Variants in MYT1L observed in about 807,000 individuals in gnomAD.
MYT1L encodes myelin transcription factor 1 like.
Under a neutral mutation model 126.7 loss-of-function variants are expected in MYT1L, and 12 were observed. The observed-to-expected ratio is 0.09, with a 90% CI of 0.06 to 0.15. MYT1L has a LOEUF of 0.15. MYT1L is among the 10% of genes least tolerant of loss of function. The pLI, the probability that MYT1L is intolerant of heterozygous loss-of-function variation, is 1.00. For missense variants in MYT1L, 979 were observed against 1,585.2 expected (o/e 0.62, Z 6.49); for synonymous variants, 541 against 604.2 (o/e 0.90, Z 1.53).
intron 3 of MYT1L, among the ~76,000 whole-genome samples, chr2:2,136,227 G>A (rs1390884643): frequency 6.6e-6 from 1 of 152,214 alleles, no homozygotes; most frequent in Non-Finnish European, 1.5e-5. Flanking sequence ...GTTCATCTCA[G>A]AGCAGCCAAT....
rs113629088 is a variant in MYT1L, at chr2:1,807,972, T to C, written c.3172+1104A>G. On this transcript the variant is annotated intron_variant, in intron 22 of 24. Transcript: ENST00000647738. ...TGCTGTTCCTGATACTGAGTTCTCA[T>C]GAGATCTGGAGGTTTTATTAGGGCT... Among the ~76,000 whole-genome samples the C allele has an allele frequency of 6.7e-4, 102 of 152,226 alleles. 1 individual carries two copies. The highest frequency in any genetic ancestry group is 2.2e-3 in the African/African-American group (91 of 41,564).
chr2:2,208,818 G>A (rs1328789358), intron 2 of MYT1L, among the ~76,000 whole-genome samples: 1 of 151,932 alleles, frequency 6.6e-6, no homozygotes, highest in African/African-American at 2.4e-5. Context: ...CCTCAGAAAG[G>A]CACATTTACC....
intron 3 of MYT1L, among the ~76,000 whole-genome samples, chr2:2,100,946 AGAT>A (rs2077996190): frequency 3.3e-5 from 5 of 152,214 alleles, no homozygotes; most frequent in Non-Finnish European, 5.9e-5. Flanking sequence ...AATAATAAAC[AGAT>A]GATAATAAAA....
intron 8 of MYT1L, among the ~76,000 whole-genome samples, chr2:1,977,960 T>C (rs4853813): frequency 0.17 from 26,389 of 152,226 alleles, 3,166 homozygotes; most frequent in African/African-American, 0.34. Context: ...CATAATGTAA[T>C]TGACTAAATT....
intron 4 of MYT1L, among the ~76,000 whole-genome samples, chr2:2,017,623 G>A (rs1237169934): frequency 6.6e-6 from 1 of 152,210 alleles, no homozygotes; most frequent in Non-Finnish European, 1.5e-5. Context: ...TGAAGACTTT[G>A]TAGCAATGTT....
intron 2 of MYT1L, among the ~76,000 whole-genome samples, chr2:2,196,088 T>C (rs147421156): frequency 7.2e-5 from 11 of 152,036 alleles, no homozygotes; most frequent in Admixed American, 2.6e-4. Context: ...GCAAATCACA[T>C]CTGGGCATAT....
In MYT1L at chr2:1,872,561, G is replaced by A. The variant is rs540677613; in HGVS notation, c.2711+13978C>T. Among the ~76,000 whole-genome samples the A allele has an allele frequency of 9.2e-5, 14 of 152,256 alleles. No individual in the cohort carries two copies. In the South Asian group the frequency reaches 1.7e-3, roughly 18 times the overall value. On this transcript the variant is annotated intron_variant, in intron 18 of 24. Transcript: ENST00000647738. ...ATTAGAATAAGGCAAAGATATATTC[G>A]AAAAATGGAATTCTTTTATCTTTGA...
chr2:1,816,155 A>C (rs1048615234), intron 21 of MYT1L: 9 of 152,490 alleles, frequency 5.9e-5, no homozygotes, highest in African/African-American at 1.7e-4. Context: ...GTTAAGAAAT[A>C]AAACAGAAAT....
rs78067364 is a variant in MYT1L at position 1,801,605 on chromosome 2, G to C, written c.3276+91C>G. The C allele has an allele frequency of 4.8e-4, 373 of 777,872 alleles. 2 individuals carry two copies. The African/African-American group carries it at 6.0e-3, about 13-fold the overall frequency. 48.2% of individuals were successfully genotyped at this position (777,872 alleles called of 1,614,324 possible). A position where few individuals can be genotyped will look rare whatever the true frequency, so the allele number is the denominator to read the frequency against. On this transcript the variant is annotated intron_variant, in intron 23 of 24. Coordinates refer to ENST00000647738, the MANE Select transcript of MYT1L (RefSeq NM_001303052.2). The surrounding 1 kb of genome is among the most constrained non-coding windows in gnomAD (Gnocchi z 4.2). ...AATAAAAGAGCAAATAAGAGGAAACGACAGCTCTCCTAAAAGCTGATTTCA... is the reference window on the plus strand; with the variant it reads ...AATAAAAGAGCAAATAAGAGGAAACCACAGCTCTCCTAAAAGCTGATTTCA...
intron 3 of MYT1L, among the ~76,000 whole-genome samples, chr2:2,096,072 A>C (rs2077440339): frequency 1.3e-5 from 2 of 152,224 alleles, no homozygotes; most frequent in African/African-American, 4.8e-5. Context: ...AATTTTTATT[A>C]ACAATTATCA....
intron 9 of MYT1L, 122 bp downstream of exon 9, chr2:1,942,860 C>T: frequency 7.8e-7 from 1 of 1,290,032 alleles, no homozygotes; most frequent in East Asian, 2.6e-5. Flanking sequence ...TTAATTTTCT[C>T]AGTATTGACC....
At chr2:2,216,664 C>T (rs2093685610) in intron 2 of MYT1L, among the ~76,000 whole-genome samples, 1 of 152,034 alleles carries the variant, frequency 6.6e-6, no homozygotes, top group South Asian at 2.1e-4. Context: ...TTATAAAGAT[C>T]AGCACAAAAA....
At chr2:2,316,714 A>G (rs2096070225) in intron 1 of MYT1L, among the ~76,000 whole-genome samples, 1 of 152,246 alleles carries the variant, frequency 6.6e-6, no homozygotes, top group African/African-American at 2.4e-5. Flanking sequence ...TACAAAATGT[A>G]TAAAATCAAT....
intron 13 of MYT1L, among the ~76,000 whole-genome samples, chr2:1,903,944 T>C (rs532048342): frequency 9.8e-5 from 15 of 152,342 alleles, no homozygotes; most frequent in South Asian, 4.1e-4. Context: ...TGTGTGTGTG[T>C]GTGTGCGCGT....
intron 1 of MYT1L, among the ~76,000 whole-genome samples, chr2:2,300,477 G>A (rs2095765386): frequency 6.6e-6 from 1 of 152,150 alleles, no homozygotes; most frequent in Admixed American, 6.5e-5. Context: ...TGAACATGGC[G>A]AGAATCTCTC....
At chr2:2,145,123 T>C (rs1482675564) in intron 3 of MYT1L, among the ~76,000 whole-genome samples, 3 of 152,190 alleles carry the variant, frequency 2.0e-5, no homozygotes, top group African/African-American at 7.2e-5. Flanking sequence ...TTCAGGGCCA[T>C]TGAAGGAGCC....
chr2:1,939,966 T>C (rs926177616), intron 9 of MYT1L, among the ~76,000 whole-genome samples: 5 of 152,234 alleles, frequency 3.3e-5, no homozygotes, highest in Non-Finnish European at 7.3e-5. Flanking sequence ...GCCTTAGAAA[T>C]CAAACAAGCC....
intron 22 of MYT1L, among the ~76,000 whole-genome samples, chr2:1,804,652 A>C (rs1283607507): frequency 2.0e-5 from 3 of 152,232 alleles, no homozygotes; most frequent in Admixed American, 2.0e-4. Flanking sequence ...GTAGCTCTTG[A>C]GAGACCAGTG....
At chr2:1,932,438 GA>G (rs1218576722) in intron 9 of MYT1L, among the ~76,000 whole-genome samples, 1 of 152,104 alleles carries the variant, frequency 6.6e-6, no homozygotes, top group Non-Finnish European at 1.5e-5. Flanking sequence ...GAGGAGGAGG[GA>G]ACTAACAGAA....
Sources: allele counts gnomAD v4.1 joint callset (sites outside exome capture counted in the v4.1 genomes callset), GRCh38; gene constraint gnomAD v4.1.1; non-coding constraint Gnocchi (gnomAD v3.1); transcripts MANE v1.5; gene names NCBI Gene and HGNC (gene_info 2026-07-23, HGNC 2026-07-21).